Variants in PRDM5 observed in about 807,000 individuals in gnomAD.
PRDM5 encodes PR domain zinc finger protein 5.
Under a neutral mutation model 81.2 loss-of-function variants are expected in PRDM5, and 56 were observed. The observed-to-expected ratio is 0.69, with a 90% CI of 0.56 to 0.86. The LOEUF (loss-of-function observed/expected upper bound fraction) is 0.86, where lower values mean the gene tolerates loss of function less well. PRDM5 is among the 40% of genes least tolerant of loss of function. The pLI, the probability that PRDM5 is intolerant of heterozygous loss-of-function variation, is 0.00. For synonymous variants in PRDM5, 267 were observed against 256.4 expected, an observed-to-expected ratio of 1.04 and a Z score of -0.39; for missense variants, 697 against 770.1, an observed-to-expected ratio of 0.91 and a Z score of 1.12.
chr4:120,692,135 A>G lies in PRDM5; in HGVS notation c.*2976T>C, dbSNP rs970580715. 2 of 152,106 alleles carry G rather than the reference A, an allele frequency of 1.3e-5. No homozygotes were observed. Among genetic ancestry groups the G allele is most frequent in the African/African-American group, 4.8e-5 (2 of 41,452 alleles). The allele number at this position is 152,106 out of a possible 1,614,324, so 9.4% of individuals were successfully genotyped here. On this transcript the variant is annotated 3_prime_UTR_variant, in exon 16 of 16. Transcript: ENST00000264808. ...TCATAAGCAACATTTAGATTTGTGA[A>G]GGAAAAAAATGAATATTTCTAGTAC...
chr4:120,764,425 A>G (rs1746082667), intron 13 of PRDM5, among the ~76,000 whole-genome samples: 1 of 152,184 alleles, frequency 6.6e-6, no homozygotes. Flanking sequence ...ACATAGCACT[A>G]TAATTTTTAC....
At chr4:120,732,703 C>A (rs888052254) in intron 14 of PRDM5, among the ~76,000 whole-genome samples, 2 of 152,110 alleles carry the variant, frequency 1.3e-5, no homozygotes, top group Admixed American at 6.5e-5. Context: ...TCTAACCTAA[C>A]CTGTTATTCA....
intron 6 of PRDM5, 105 bp from the exon 7 acceptor site, chr4:120,816,679 CG>C (rs1754560056): frequency 6.4e-7 from 1 of 1,568,102 alleles, no homozygotes; most frequent in Admixed American, 1.7e-5. Flanking sequence ...AGTAGAGTTT[CG>C]GGGTCATTCC....
chr4:120,750,347 T>C (rs1399710853), intron 14 of PRDM5, among the ~76,000 whole-genome samples: 2 of 152,126 alleles, frequency 1.3e-5, no homozygotes, highest in East Asian at 1.9e-4. Flanking sequence ...TTGTGCCTAG[T>C]AACAAGCACC....
intron 13 of PRDM5, among the ~76,000 whole-genome samples, chr4:120,773,679 T>G (rs2149216142): frequency 6.6e-6 from 1 of 152,342 alleles, no homozygotes; most frequent in Admixed American, 6.5e-5. Flanking sequence ...TTTTGAGTTT[T>G]AGTGTAGTAA....
At chr4:120,719,134 G>A (rs1323268568) in intron 14 of PRDM5, among the ~76,000 whole-genome samples, 6 of 152,152 alleles carry the variant, frequency 3.9e-5, no homozygotes, top group African/African-American at 1.4e-4. Context: ...TTTGGTGTGA[G>A]GACTGTCCTG....
chr4:120,818,250 G>A (rs528859926), intron 5 of PRDM5, 103 bp downstream of exon 5: 160 of 1,229,346 alleles, frequency 1.3e-4, no homozygotes, highest in South Asian at 8.6e-4. Flanking sequence ...ATGCGCGTGC[G>A]CGCGTGCACA....
rs550664167 is a variant in PRDM5, at chr4:120,876,448, G to A, written c.178-22908C>T. Among the ~76,000 whole-genome samples, 6 of 152,188 alleles carry A rather than the reference G, an allele frequency of 3.9e-5. No individual in the cohort carries two copies. The East Asian group carries it at 9.6e-4, about 24-fold the overall frequency. ...TTTGTGTGTCAATTACAAAGATTTT[G>A]TGTATTGTGTCCCTAACCCCATTTT... On this transcript the variant is annotated intron_variant, in intron 2 of 15. Transcript: ENST00000264808.
chr4:120,915,358 G>T (rs72923583), intron 1 of PRDM5, among the ~76,000 whole-genome samples: 1 of 152,328 alleles, frequency 6.6e-6, no homozygotes, highest in African/African-American at 2.4e-5. Flanking sequence ...ATGTGAGACA[G>T]AATGAAGGTA....
intron 1 of PRDM5, among the ~76,000 whole-genome samples, chr4:120,910,389 G>T (rs1720846975): frequency 6.6e-6 from 1 of 152,178 alleles, no homozygotes. Context: ...TTTATACTGA[G>T]TAGACCCACT....
chr4:120,782,969 T>C (rs1441982714), intron 11 of PRDM5, among the ~76,000 whole-genome samples: 3 of 152,060 alleles, frequency 2.0e-5, no homozygotes, highest in Non-Finnish European at 4.4e-5. Context: ...TTTCTTTGTG[T>C]TAAATTTATC....
chr4:120,846,321 T>C (rs1758647091), intron 3 of PRDM5, among the ~76,000 whole-genome samples: 1 of 152,190 alleles, frequency 6.6e-6, no homozygotes, highest in South Asian at 2.1e-4. Context: ...AGTCAATTGA[T>C]GCAGCAAACT....
At chr4:120,765,129 A>G (rs1746196025) in intron 13 of PRDM5, among the ~76,000 whole-genome samples, 1 of 152,218 alleles carries the variant, frequency 6.6e-6, no homozygotes, top group Non-Finnish European at 1.5e-5. Context: ...AAGGAAAAAG[A>G]AAAACAGTGG....
intron 15 of PRDM5, among the ~76,000 whole-genome samples, chr4:120,702,768 T>A (rs147730696): frequency 0.021 from 3,139 of 152,330 alleles, 46 homozygotes; most frequent in Middle Eastern, 0.051. Flanking sequence ...TTCAAATTCA[T>A]AATCATAAAG....
chr4:120,806,098 A>G (rs1036680489), intron 8 of PRDM5, among the ~76,000 whole-genome samples: 11 of 152,304 alleles, frequency 7.2e-5, no homozygotes, highest in Admixed American at 6.5e-4. Context: ...CCCATTCACA[A>G]TTGCTTCAAA....
chr4:120,741,477 G>A (rs981223044), intron 14 of PRDM5, among the ~76,000 whole-genome samples: 2 of 151,524 alleles, frequency 1.3e-5, no homozygotes, highest in African/African-American at 2.4e-5. Flanking sequence ...CCTGAACCAC[G>A]CAGAAGACGG....
At chr4:120,731,539 T>C (rs1045149083) in intron 14 of PRDM5, 16 of 151,112 alleles carry the variant, frequency 1.1e-4, no homozygotes, top group African/African-American at 3.1e-4. Flanking sequence ...ATTTATTCCC[T>C]TGTTTTTAGT....
intron 2 of PRDM5, among the ~76,000 whole-genome samples, chr4:120,893,501 T>A (rs576272784): frequency 5.9e-5 from 9 of 152,358 alleles, no homozygotes; most frequent in African/African-American, 1.7e-4. Flanking sequence ...TTGCACTCTA[T>A]GACTCAGCAT....
chr4:120,773,564 G>A (rs1043029025), intron 13 of PRDM5, among the ~76,000 whole-genome samples: 3 of 152,114 alleles, frequency 2.0e-5, no homozygotes, highest in African/African-American at 4.8e-5. Context: ...AAGATCATTC[G>A]AAGTGCAACA....
Sources: gnomAD v4.1 joint callset for allele counts (sites outside exome capture counted in the v4.1 genomes callset) on GRCh38, gnomAD v4.1.1 for gene constraint, MANE v1.5 for transcripts, NCBI Gene and HGNC (gene_info 2026-07-23, HGNC 2026-07-21) for gene names.